Variants in CRACDL observed in about 807,000 individuals in gnomAD.
CRACDL encodes CRACD-like protein.
Under a neutral mutation model 70.6 loss-of-function variants are expected in CRACDL, and 26 were observed. That is an observed-to-expected ratio of 0.37 (90% CI 0.27 to 0.51). The LOEUF is 0.51. Among genes scored for constraint, CRACDL ranks in the 20% least tolerant of loss-of-function variants. CRACDL has a pLI of 0.94. For missense variants in CRACDL, 1,283 were observed against 1,376.9 expected (o/e 0.93, Z 1.08); for synonymous variants, 618 against 615.2 (o/e 1.00, Z -0.07).
chr2:98,887,186 A>G (rs1707820816), intron 1 of CRACDL, among the ~76,000 whole-genome samples: 1 of 152,218 alleles, frequency 6.6e-6, no homozygotes, highest in Non-Finnish European at 1.5e-5. Flanking sequence ...GCATCGAAAA[A>G]AATAACAATG....
At chr2:98,845,383 A>T (rs1706217135) in intron 2 of CRACDL, among the ~76,000 whole-genome samples, 1 of 151,756 alleles carries the variant, frequency 6.6e-6, no homozygotes, top group Non-Finnish European at 1.5e-5. Context: ...TTTTTTGTAG[A>T]GACAGAGTCT....
chr2:98,847,346 A>G (rs1706304785), intron 1 of CRACDL, among the ~76,000 whole-genome samples: 1 of 152,222 alleles, frequency 6.6e-6, no homozygotes, highest in South Asian at 2.1e-4. Flanking sequence ...TTTAATGGCT[A>G]CCTAATATTT....
chr2:98,869,479 C>G (rs1707267700), intron 1 of CRACDL: 2 of 250,864 alleles, frequency 8.0e-6, no homozygotes, highest in Non-Finnish European at 1.6e-5. Context: ...ATTGGCATCC[C>G]CACTGAGTTG....
intron 1 of CRACDL, among the ~76,000 whole-genome samples, chr2:98,903,844 G>A (rs900759760): frequency 3.3e-5 from 5 of 152,286 alleles, no homozygotes; most frequent in South Asian, 2.1e-4. Context: ...ATGCACACGC[G>A]TCCACGTGCA....
intron 1 of CRACDL, among the ~76,000 whole-genome samples, chr2:98,850,685 G>T (rs1396269308): frequency 6.6e-6 from 1 of 152,154 alleles, no homozygotes; most frequent in Non-Finnish European, 1.5e-5. Context: ...GGCTTCTAAT[G>T]AACTTACCAG....
At chr2:98,884,088 C>A (rs1323987325) in intron 1 of CRACDL, among the ~76,000 whole-genome samples, 1 of 152,172 alleles carries the variant, frequency 6.6e-6, no homozygotes, top group Non-Finnish European at 1.5e-5. Context: ...AGGTGCCCCA[C>A]CCACCTGGAG....
rs1705577667 is a variant in CRACDL at position 98,832,352 on chromosome 2, A to C, written c.536T>G (p.Ile179Arg). The change falls in exon 5 of 10, where the codon ATA becomes AGA. Residue 179 changes from isoleucine (I) to arginine (R), a missense_variant. Around this residue, in one of 2 missense-constraint regions of CRACDL, gnomAD observed 362 missense variants for 495.0 expected, o/e 0.73. Coordinates refer to ENST00000397899, the MANE Select transcript of CRACDL (RefSeq NM_207362.3). ...AGTGGTACAGGCCGCACTTGCCTTT[A>C]TGGTGGTACCAGGACCCACGTCGTG... ...LLHDVGPGTT[I>R]KVSVVSPDHV... 6.2e-7 allele frequency: 1 copy of C among 1,614,140 alleles called. No individual in the cohort carries two copies. Among genetic ancestry groups the C allele is most frequent in the East Asian group, 2.2e-5 (1 of 44,870 alleles).
At chr2:98,802,217 G>T (rs889996140) in intron 7 of CRACDL, among the ~76,000 whole-genome samples, 1 of 152,256 alleles carries the variant, frequency 6.6e-6, no homozygotes, top group African/African-American at 2.4e-5. Flanking sequence ...TGCCCTGCTG[G>T]CGCTGCATCA....
chr2:98,910,107 T>G (rs998504552), intron 1 of CRACDL, among the ~76,000 whole-genome samples: 1 of 152,136 alleles, frequency 6.6e-6, no homozygotes, highest in African/African-American at 2.4e-5. Context: ...TGCTCCTACC[T>G]GCAGGAAGCC....
In CRACDL at chr2:98,797,478, A is replaced by C. The variant is rs1327926691; in HGVS notation, c.2476T>G (p.Trp826Gly). 1.2e-6 allele frequency: 2 copies of C among 1,614,126 alleles called. No homozygotes were observed. Among genetic ancestry groups the C allele is most frequent in the Non-Finnish European group, 1.7e-6 (2 of 1,180,054 alleles). Residue 826 changes from tryptophan (W) to glycine (G), a missense_variant, in exon 8 of 10, where the codon TGG (tryptophan) becomes GGG (glycine). By Grantham distance (184) the Trp-to-Gly change is radical (BLOSUM62 -2). Around this residue, in one of 2 missense-constraint regions of CRACDL, gnomAD observed 921 missense variants for 881.9 expected, o/e 1.04. Coordinates refer to ENST00000397899, the MANE Select transcript of CRACDL (RefSeq NM_207362.3). ...PGADGQPAPP[W>G]ITVTRQKRRG... is the part of the protein sequence containing the mutation. ...CGCTTCTGCCGAGTGACGGTGATCCAGGGTGGCGCAGGCTGCCCATCAGCT... is the reference window on the plus strand; with the variant it reads ...CGCTTCTGCCGAGTGACGGTGATCCCGGGTGGCGCAGGCTGCCCATCAGCT...
intron 1 of CRACDL, among the ~76,000 whole-genome samples, chr2:98,912,055 C>G (rs1708558534): frequency 6.6e-6 from 1 of 152,176 alleles, no homozygotes; most frequent in Admixed American, 6.5e-5. Context: ...CAAAACCCAC[C>G]CTGCATTTTG....
At chr2:98,877,270 A>G (rs77769009) in intron 1 of CRACDL, among the ~76,000 whole-genome samples, 4,614 of 152,278 alleles carry the variant, frequency 0.03, 239 homozygotes, top group African/African-American at 0.11. Flanking sequence ...TCTGGGCCTC[A>G]ACTGTGATCC....
rs756386959 is a variant in CRACDL at position 98,827,181 on chromosome 2, A to G, written c.541-12T>C. 6.2e-7 allele frequency: 1 copy of G among 1,605,594 alleles called. No individual in the cohort carries two copies. On this transcript the variant is annotated splice_polypyrimidine_tract_variant and intron_variant, in intron 5 of 9. Transcript: ENST00000397899. Reference sequence around the variant, plus strand: ...GACACGACAGAGACCTTCGTGGGACAAGGAACAAACACACGGAGCATGAAC... The same window carrying G: ...GACACGACAGAGACCTTCGTGGGACGAGGAACAAACACACGGAGCATGAAC...
intron 5 of CRACDL, among the ~76,000 whole-genome samples, chr2:98,827,461 T>G (rs1705355630): frequency 6.6e-6 from 1 of 152,096 alleles, no homozygotes; most frequent in Non-Finnish European, 1.5e-5. Flanking sequence ...CCAGCTAATT[T>G]TTGTATTTTT....
intron 5 of CRACDL, among the ~76,000 whole-genome samples, chr2:98,831,499 T>C (rs1705542575): frequency 6.6e-6 from 1 of 152,172 alleles, no homozygotes; most frequent in South Asian, 2.1e-4. Flanking sequence ...TGTGTGGCTA[T>C]AAAAAATAAA....
At position 98,832,437 on chromosome 2, in the gene CRACDL, C is replaced by T. The variant is rs779309345; in HGVS notation, c.451G>A (p.Ala151Thr). The change falls in exon 5 of 10, where the codon GCC (alanine) becomes ACC (threonine). Residue 151 changes from alanine to threonine, a missense_variant. Physicochemically the swap from Ala to Thr is moderately conservative, Grantham distance 58. This residue lies in a region of CRACDL where 362 missense variants were observed against 495.0 expected (regional missense o/e 0.73). Transcript: ENST00000397899. ...GGLPAKRGED[A>T]GMSSEDDGLP... is the part of the protein sequence containing the mutation. Reference sequence around the variant, plus strand: ...CCGTCGTCCTCAGAGCTCATGCCGGCATCCTCTCCCCGCTTGGCAGGAAGC... The same window carrying T: ...CCGTCGTCCTCAGAGCTCATGCCGGTATCCTCTCCCCGCTTGGCAGGAAGC... 3 of 1,614,112 alleles carry T rather than the reference C, an allele frequency of 1.9e-6. No individual in the cohort carries two copies. The South Asian group carries it at 3.3e-5, about 18-fold the overall frequency.
At chr2:98,837,440 G>A (rs1021114688) in intron 3 of CRACDL, among the ~76,000 whole-genome samples, 2 of 151,484 alleles carry the variant, frequency 1.3e-5, no homozygotes, top group Non-Finnish European at 2.9e-5. Context: ...TATCCTTAAA[G>A]GGCCAGCGTT....
In CRACDL at chr2:98,832,910, C is replaced by T. The variant is rs1705605245; in HGVS notation, c.327G>A (p.Val109=). 1 of 1,613,968 alleles carries T rather than the reference C, an allele frequency of 6.2e-7. No individual in the cohort carries two copies. The highest frequency in any genetic ancestry group is 8.5e-7 in the Non-Finnish European group (1 of 1,179,932). ...PESGQDATRP[V]RVFSQENVCD... ...ACACATTTTCTTGGGAAAACACCCG[C>T]ACAGGCCGAGTAGCGTCCTGTCCGG... is the stretch of plus-strand genomic sequence containing the variant. The change falls in exon 4 of 10, where the codon GTG becomes GTA. Residue 109 remains valine (V), a synonymous_variant. Transcript: ENST00000397899.
chr2:98,864,270 T>C (rs1389232333), intron 1 of CRACDL, among the ~76,000 whole-genome samples: 1 of 152,172 alleles, frequency 6.6e-6, no homozygotes, highest in Non-Finnish European at 1.5e-5. Context: ...TCTGGATGAA[T>C]CTTGAACACA....
Sources: allele counts gnomAD v4.1 joint callset (sites outside exome capture counted in the v4.1 genomes callset), GRCh38; gene constraint gnomAD v4.1.1; regional missense constraint gnomAD v4.1.1; transcripts MANE v1.5; gene names NCBI Gene and HGNC (gene_info 2026-07-23, HGNC 2026-07-21).